The following C13orf42 variants were observed in gnomAD, a reference collection of about 807,000 sequenced individuals.
The protein encoded by C13orf42 is uncharacterized protein C13orf42.
At chr13:51,140,177 A>G (rs573504864) in intron 1 of C13orf42, among the ~76,000 whole-genome samples, 1 of 152,288 alleles carries the variant, frequency 6.6e-6, no homozygotes, top group East Asian at 1.9e-4. Flanking sequence ...CCACTTGTAT[A>G]TCACCCATCT....
At chr13:51,119,556 GAAATAGCACCCAGCCTTA>G (rs1953517014) in intron 1 of C13orf42, among the ~76,000 whole-genome samples, 1 of 152,178 alleles carries the variant, frequency 6.6e-6, no homozygotes, top group African/African-American at 2.4e-5. Flanking sequence ...TACCTGCCAT[GAAATAGCACCCAGCCTTA>G]AAAGGGAAGG....
chr13:51,150,307 A>C (rs1234787467), intron 1 of C13orf42, among the ~76,000 whole-genome samples: 1 of 152,188 alleles, frequency 6.6e-6, no homozygotes, highest in Non-Finnish European at 1.5e-5. Context: ...TGTATGTCAC[A>C]ATTTTCAAAT....
intron 1 of C13orf42, among the ~76,000 whole-genome samples, chr13:51,116,801 T>G (rs532806541): frequency 2.0e-5 from 3 of 152,382 alleles, no homozygotes; most frequent in Middle Eastern, 3.4e-3. Context: ...GTGGCACTTA[T>G]GTGGCTGCAT....
At chr13:51,135,741 C>A (rs1002488223) in intron 1 of C13orf42, among the ~76,000 whole-genome samples, 1 of 152,114 alleles carries the variant, frequency 6.6e-6, no homozygotes, top group Non-Finnish European at 1.5e-5. Context: ...AGATTCCTCC[C>A]CCACCCTGGC....
At chr13:51,171,368 C>G (rs986638455) in intron 1 of C13orf42, among the ~76,000 whole-genome samples, 2 of 152,092 alleles carry the variant, frequency 1.3e-5, no homozygotes, top group Non-Finnish European at 2.9e-5. Flanking sequence ...AGGTGCCTGA[C>G]GTCCAGGCAT....
upstream of C13orf42, among the ~76,000 whole-genome samples, chr13:51,115,266 A>G (rs927314707): frequency 1.3e-5 from 2 of 152,212 alleles, no homozygotes; most frequent in Non-Finnish European, 2.9e-5. Flanking sequence ...ATATTCAGCT[A>G]GAAACTGCTA....
chr13:51,114,647 G>GATAGATAGAGAGAGAT (rs10681325), upstream of C13orf42, among the ~76,000 whole-genome samples: 6 of 63,366 alleles, frequency 9.5e-5, no homozygotes, highest in African/African-American at 4.2e-4. Flanking sequence ...TAGATAGATA[G>GATAGATAGAGAGAGAT]AGATAGACAG....
At position 51,163,209 on chromosome 13, in the gene C13orf42, C is replaced by T. The variant is rs1420256839; in HGVS notation, n.136+9044G>A. ...CAGAACCTGGTCTAACCTCAAAGAA[C>T]ATTTCTGCCGCCTATGATCTTACCC... On this transcript the variant is annotated intron_variant and non_coding_transcript_variant, in intron 1 of 4. Transcript: ENST00000433280. Among the ~76,000 whole-genome samples the T allele has an allele frequency of 2.0e-5, 3 of 152,204 alleles. No individual in the cohort carries two copies. In the East Asian group the frequency reaches 5.8e-4, roughly 29 times the overall value.
chr13:51,114,561 T>C (rs1432528743), upstream of C13orf42, among the ~76,000 whole-genome samples: 3 of 152,280 alleles, frequency 2.0e-5, no homozygotes, highest in Middle Eastern at 3.4e-3. Context: ...TCACTTGTGG[T>C]GAGTGGCAGA....
intron 1 of C13orf42, among the ~76,000 whole-genome samples, chr13:51,152,482 G>A (rs61958500): frequency 6.6e-6 from 1 of 152,094 alleles, no homozygotes; most frequent in Non-Finnish European, 1.5e-5. Flanking sequence ...CTGAATAGCT[G>A]GAACTACAGG....
chr13:51,109,433 T>C (rs1953401558), intron 1 of C13orf42, among the ~76,000 whole-genome samples: 1 of 152,146 alleles, frequency 6.6e-6, no homozygotes, highest in Admixed American at 6.5e-5. Context: ...CAAAACAGCC[T>C]TAACCTACGG....
In C13orf42 at chr13:51,083,893, C is replaced by T. The variant is rs1953091499; in HGVS notation, c.*258G>A. 9 of 307,834 alleles carry T rather than the reference C, an allele frequency of 2.9e-5. No homozygotes were observed. Among genetic ancestry groups the T allele is most frequent in the Non-Finnish European group, 5.3e-5 (9 of 168,930 alleles). 19.1% of individuals were successfully genotyped at this position (307,834 alleles called of 1,614,324 possible). On this transcript the variant is annotated 3_prime_UTR_variant, in exon 4 of 4. Coordinates refer to ENST00000563710, the MANE Select transcript of C13orf42 (RefSeq NM_001351589.3). ...CTCAAGACCTTCCATTCCTTCAGCT[C>T]TTGAAGACCAGCCAGGCTGTAAGTC...
In C13orf42 at chr13:51,087,911, G is replaced by A. The variant is rs1953145540; in HGVS notation, c.562+17C>T. The stretch of plus-strand genomic sequence containing the variant: ...CGCCTTCAGCCACCATCTTCCCACT[G>A]CCTTCCTGGCACTCACCGTCAAAGT... On this transcript the variant is annotated intron_variant, in intron 2 of 3. Transcript: ENST00000563710. 2 of 399,142 alleles carry A rather than the reference G, an allele frequency of 5.0e-6. No individual in the cohort carries two copies. Among genetic ancestry groups the A allele is most frequent in the Non-Finnish European group, 8.8e-6 (2 of 226,466 alleles). The allele number at this position is 399,142 out of a possible 1,614,324, so 24.7% of individuals were successfully genotyped here.
intron 1 of C13orf42, among the ~76,000 whole-genome samples, chr13:51,117,712 T>C (rs1566131243): frequency 1.3e-5 from 2 of 152,208 alleles, no homozygotes; most frequent in African/African-American, 4.8e-5. Context: ...CCTATTTTTT[T>C]CTTTTTTCTC....
chr13:51,131,679 A>G (rs1341030590), intron 1 of C13orf42, among the ~76,000 whole-genome samples: 2 of 152,222 alleles, frequency 1.3e-5, no homozygotes, highest in Non-Finnish European at 2.9e-5. Context: ...AGCCAATTTA[A>G]AAAGAGCTTA....
intron 1 of C13orf42, among the ~76,000 whole-genome samples, chr13:51,131,731 C>G (rs1953618357): frequency 6.6e-6 from 1 of 152,176 alleles, no homozygotes; most frequent in African/African-American, 2.4e-5. Flanking sequence ...TACAAATAAT[C>G]AAGCCAAGTA....
At chr13:51,138,891 A>T (rs577397856) in intron 1 of C13orf42, among the ~76,000 whole-genome samples, 25 of 152,342 alleles carry the variant, frequency 1.6e-4, no homozygotes, top group African/African-American at 6.0e-4. Flanking sequence ...ATATATGTCA[A>T]ATATATATAC....
At chr13:51,153,621 G>GTTTT (rs1202370498) in intron 1 of C13orf42, among the ~76,000 whole-genome samples, 52 of 82,020 alleles carry the variant, frequency 6.3e-4, no homozygotes, top group East Asian at 1.7e-3. Context: ...CTTGCTTTCT[G>GTTTT]TTTTTTTTCT....
chr13:51,106,950 C>CAA (rs1953363611), intron 1 of C13orf42, among the ~76,000 whole-genome samples: 2 of 152,102 alleles, frequency 1.3e-5, no homozygotes, highest in South Asian at 4.1e-4. Context: ...TAAAATGTTG[C>CAA]AAAAAGTGTA....
Sources: gnomAD v4.1 joint callset for allele counts (sites outside exome capture counted in the v4.1 genomes callset) on GRCh38, gnomAD v4.1.1 for gene constraint, MANE v1.5 for transcripts, NCBI Gene and HGNC (gene_info 2026-07-23, HGNC 2026-07-21) for gene names.